EPS15L1: variants seen among roughly 807,000 people sequenced by gnomAD.
The protein encoded by EPS15L1 is epidermal growth factor receptor substrate 15-like 1.
A neutral mutation model predicts 117.1 loss-of-function variants in EPS15L1; 43 were observed. That is an observed-to-expected ratio of 0.37 (90% confidence interval 0.29 to 0.47). The LOEUF (loss-of-function observed/expected upper bound fraction) is 0.47. Ranked by LOEUF, EPS15L1 falls within the 20% of genes least tolerant of loss-of-function variation. The pLI is 0.99. For synonymous variants in EPS15L1, 459 were observed against 470.5 expected (o/e 0.98, Z 0.32); for missense variants, 981 against 1,164.0 (o/e 0.84, Z 2.29).
At chr19:16,463,001 G>C (rs1344158626) in intron 1 of EPS15L1, among the ~76,000 whole-genome samples, 1 of 152,174 alleles carries the variant, frequency 6.6e-6, no homozygotes, top group Non-Finnish European at 1.5e-5. Context: ...AATTTTCTGT[G>C]TGCCTGGGTG....
intron 10 of EPS15L1, among the ~76,000 whole-genome samples, 176 bp downstream of exon 10, chr19:16,421,143 C>G (rs1308595604): frequency 6.6e-6 from 1 of 152,242 alleles, no homozygotes; most frequent in Non-Finnish European, 1.5e-5. Flanking sequence ...GGGCTTCGAG[C>G]CTTGGCACGT....
At position 16,375,050 on chromosome 19, in the gene EPS15L1, A is replaced by C. The variant is rs567523627; in HGVS notation, c.2380+2072T>G. On this transcript the variant is annotated intron_variant, in intron 22 of 23. Transcript: ENST00000455140. ...AGAGCATGTGTGTGTGCAGGCATGC[A>C]CAATGCAGTATGTGAGTGCATGCTG... is the stretch of plus-strand genomic sequence containing the variant. Among the ~76,000 whole-genome samples the C allele has an allele frequency of 2.4e-4, 36 of 152,324 alleles. 1 individual carries two copies. The East Asian group carries it at 7.0e-3, about 29-fold the overall frequency.
In EPS15L1 at chr19:16,447,692, G is replaced by A. The variant is rs148081764; in HGVS notation, c.34-5473C>T. Among the ~76,000 whole-genome samples the A allele has an allele frequency of 7.2e-3, 1,090 of 151,834 alleles. 12 individuals carry two copies. Among genetic ancestry groups the A allele is most frequent in the East Asian group, 0.068 (349 of 5,162 alleles). ...GGAGAATCACTTGAACCTGGGAGGC[G>A]GAGGCTGCAGTGAGCCGAGATCATA... On this transcript the variant is annotated intron_variant, in intron 1 of 23. Transcript: ENST00000455140.
chr19:16,373,738 G>A (rs1173323951), intron 22 of EPS15L1, among the ~76,000 whole-genome samples: 3 of 152,134 alleles, frequency 2.0e-5, no homozygotes, highest in Non-Finnish European at 4.4e-5. Flanking sequence ...GCAAGGGTAG[G>A]GCAAGCATCT....
chr19:16,399,352 G>T (rs1456003565), intron 16 of EPS15L1, among the ~76,000 whole-genome samples: 2 of 152,150 alleles, frequency 1.3e-5, no homozygotes, highest in African/African-American at 4.8e-5. Context: ...CAACTTGGGG[G>T]ACACGAGTAC....
At chr19:16,361,260 A>AG (rs1253430360) in intron 23 of EPS15L1, among the ~76,000 whole-genome samples, 1 of 150,910 alleles carries the variant, frequency 6.6e-6, no homozygotes, top group Middle Eastern at 3.4e-3. Flanking sequence ...AAAAGCTTTA[A>AG]AAAAAAAAAA....
intron 1 of EPS15L1, among the ~76,000 whole-genome samples, chr19:16,469,401 G>A (rs771812932): frequency 6.6e-6 from 1 of 152,064 alleles, no homozygotes; most frequent in African/African-American, 2.4e-5. Context: ...AGGGGCCACC[G>A]GTAACCTCGG....
chr19:16,451,568 G>A (rs538291913), intron 1 of EPS15L1, among the ~76,000 whole-genome samples: 8 of 149,904 alleles, frequency 5.3e-5, no homozygotes, highest in East Asian at 4.0e-4. Flanking sequence ...TTGCTCTGTC[G>A]CCCAGGCTGG....
chr19:16,386,058 G>T, intron 20 of EPS15L1, 113 bp downstream of exon 20: 1 of 815,318 alleles, frequency 1.2e-6, no homozygotes. Flanking sequence ...GCCACTGACT[G>T]ATGACACAAA....
intron 13 of EPS15L1, 159 bp downstream of exon 13, chr19:16,413,614 A>G (rs75423168): frequency 8.8e-6 from 4 of 456,088 alleles, no homozygotes; most frequent in Non-Finnish European, 1.1e-5. Context: ...ATTCAGCCTG[A>G]AAAAAAAAAA....
intron 16 of EPS15L1, among the ~76,000 whole-genome samples, chr19:16,400,165 C>T (rs1220564082): frequency 2.0e-5 from 3 of 151,938 alleles, no homozygotes; most frequent in Admixed American, 2.0e-4. Flanking sequence ...TGTGAAACCT[C>T]GTCTCTACTA....
At chr19:16,373,716 C>G (rs996520195) in intron 22 of EPS15L1, among the ~76,000 whole-genome samples, 15 of 152,200 alleles carry the variant, frequency 9.9e-5, no homozygotes, top group African/African-American at 3.6e-4. Flanking sequence ...CTCTGATTCC[C>G]TTGACCAGAG....
At chr19:16,389,416 T>C (rs553282683) in intron 19 of EPS15L1, among the ~76,000 whole-genome samples, 1 of 152,264 alleles carries the variant, frequency 6.6e-6, no homozygotes, top group South Asian at 2.1e-4. Context: ...ATCACACCAC[T>C]GCACTTCAGC....
intron 19 of EPS15L1, among the ~76,000 whole-genome samples, chr19:16,387,904 A>G (rs76495155): frequency 0.086 from 13,122 of 152,280 alleles, 701 homozygotes; most frequent in Non-Finnish European, 0.12. Flanking sequence ...AAAAATAAAT[A>G]AATAAATAGA....
intron 1 of EPS15L1, among the ~76,000 whole-genome samples, chr19:16,460,932 T>C (rs1272138607): frequency 6.6e-6 from 1 of 152,180 alleles, no homozygotes; most frequent in African/African-American, 2.4e-5. Context: ...ATCTTTCCCC[T>C]TTGGAGAGTG....
intron 12 of EPS15L1, among the ~76,000 whole-genome samples, chr19:16,416,739 A>G (rs533566659): frequency 9.9e-5 from 15 of 152,150 alleles, no homozygotes; most frequent in Admixed American, 4.6e-4. Context: ...AACAGATGCT[A>G]CAGTGAGCCA....
intron 1 of EPS15L1, among the ~76,000 whole-genome samples, chr19:16,458,842 T>G (rs1241827378): frequency 1.3e-5 from 2 of 152,204 alleles, no homozygotes; most frequent in Non-Finnish European, 1.5e-5. Context: ...CTTTCACTCC[T>G]TGTCTTGGCA....
In EPS15L1 at chr19:16,447,063, C is replaced by G. The variant is rs370830808; in HGVS notation, c.34-4844G>C. Among the ~76,000 whole-genome samples the G allele has an allele frequency of 4.6e-5, 7 of 152,334 alleles. No homozygotes were observed. The East Asian group carries it at 7.7e-4, about 17-fold the overall frequency. On this transcript the variant is annotated intron_variant, in intron 1 of 23. Coordinates refer to ENST00000455140, the MANE Select transcript of EPS15L1 (RefSeq NM_001258374.3). Reference sequence around the variant, plus strand: ...TCCATTTCTGCCTTCCCCTTAGAGGCCCCCACAGGCCTTGCACAACCATCA... The same window carrying G: ...TCCATTTCTGCCTTCCCCTTAGAGGGCCCCACAGGCCTTGCACAACCATCA...
At position 16,417,946 on chromosome 19, in the gene EPS15L1, ACCGGGCCGGGCGTGCCTCTCT is replaced by A; in HGVS notation, c.1088_1107+1del. On this transcript the variant is annotated splice_donor_variant and coding_sequence_variant, in exon 11 of 24. Transcript: ENST00000455140. LOFTEE classifies it high-confidence loss of function. ...CCCCAGGGCATGACCAGCACCACTC[ACCGGGCCGGGCGTGCCTCTCT>A]CCGAAGGCGGGACCATGTCCGGCGA... The A allele has an allele frequency of 6.2e-7, 1 of 1,612,090 alleles. No individual in the cohort carries two copies. The highest frequency in any genetic ancestry group is 8.5e-7 in the Non-Finnish European group (1 of 1,179,148).
Sources: gnomAD v4.1 joint callset for allele counts (sites outside exome capture counted in the v4.1 genomes callset) on GRCh38, gnomAD v4.1.1 for gene constraint, MANE v1.5 for transcripts, NCBI Gene and HGNC (gene_info 2026-07-23, HGNC 2026-07-21) for gene names.